TRIM28: variants seen among roughly 807,000 people sequenced by gnomAD.
TRIM28 encodes transcription intermediary factor 1-beta.
Under a neutral mutation model 87.4 loss-of-function variants are expected in TRIM28, and 8 were observed. That is an observed-to-expected ratio of 0.09 (90% CI 0.05 to 0.17). The LOEUF is 0.17. Among genes scored for constraint, TRIM28 ranks in the 10% least tolerant of loss-of-function variants. The pLI, the probability that TRIM28 is intolerant of heterozygous loss-of-function variation, is 1.00. For synonymous variants in TRIM28, 601 were observed against 454.3 expected (o/e 1.32, Z -4.11); for missense variants, 968 against 1,131.8 (o/e 0.86, Z 2.08).
intron 8 of TRIM28, 35 bp from the exon 9 acceptor site, chr19:58,548,451 C>T (rs1242195697): frequency 6.2e-7 from 1 of 1,613,976 alleles, no homozygotes; most frequent in Admixed American, 1.7e-5. Flanking sequence ...ACCCCACGTG[C>T]TGCACCTACT....
chr19:58,550,607 C>T lies in TRIM28; in HGVS notation c.*54C>T, dbSNP rs1384456460. ...TGGCTCTGTTCTCTGTCCTGTCACC[C>T]CATCCCCACTCCCCTGGTGGCCTGA... On this transcript the variant is annotated 3_prime_UTR_variant, in exon 17 of 17. Coordinates refer to ENST00000253024, the MANE Select transcript of TRIM28 (RefSeq NM_005762.3). 4 of 1,550,446 alleles carry T rather than the reference C, an allele frequency of 2.6e-6. No individual in the cohort carries two copies. The highest frequency in any genetic ancestry group is 1.4e-5 in the African/African-American group (1 of 73,702).
chr19:58,546,111 G>A (rs926998751), intron 3 of TRIM28, among the ~76,000 whole-genome samples: 2 of 152,160 alleles, frequency 1.3e-5, no homozygotes, highest in African/African-American at 4.8e-5. Context: ...GGGAAATAAG[G>A]GAGACCTTAA....
In TRIM28 at chr19:58,550,528, C is replaced by G; in HGVS notation, c.2483C>G (p.Ser828Cys). ...PGAGLSSQELSGGPGDGP is the reference protein window; with the variant it reads ...PGAGLSSQELCGGPGDGP ...GCTGGCCTGAGTTCCCAGGAGCTGT[C>G]TGGTGGCCCTGGTGATGGCCCCTGA... is the stretch of plus-strand genomic sequence containing the variant. Residue 828 changes from serine (S) to cysteine (C), a missense_variant, in exon 17 of 17, where the codon TCT (serine) becomes TGT (cysteine). This residue lies in a region of TRIM28 where 192 missense variants were observed against 225.6 expected (regional missense o/e 0.85). Transcript: ENST00000253024. The G allele has an allele frequency of 6.2e-7, 1 of 1,609,636 alleles. No homozygotes were observed. The highest frequency in any genetic ancestry group is 2.2e-5 in the East Asian group (1 of 44,888).
intron 3 of TRIM28, among the ~76,000 whole-genome samples, chr19:58,546,268 A>G (rs1349187263): frequency 6.6e-6 from 1 of 152,182 alleles, no homozygotes; most frequent in Admixed American, 6.5e-5. Context: ...CATCTGGTAT[A>G]AGATGCTGCT....
rs1600082022 is a variant in TRIM28 at position 58,548,147 on chromosome 19, C to T, written c.1068C>T (p.Asp356=). ...LRFASWALES[D]NNTALLLSKK... is the part of the protein sequence containing the mutation. ...TTGCCTCTTGGGCTCTGGAGAGTGA[C>T]AACAACACAGCCCTTTTGCTTTCTA... Residue 356 remains aspartate, a synonymous_variant, in exon 7 of 17, where the codon GAC becomes GAT. Coordinates refer to ENST00000253024, the MANE Select transcript of TRIM28 (RefSeq NM_005762.3). 4.3e-6 allele frequency: 7 copies of T among 1,614,206 alleles called. No individual in the cohort carries two copies. The highest frequency in any genetic ancestry group is 5.9e-6 in the Non-Finnish European group (7 of 1,180,024).
rs769806224 is a variant in TRIM28, at chr19:58,550,096, G to T, written c.2194-51G>T. 10 of 1,613,380 alleles carry T rather than the reference G, an allele frequency of 6.2e-6. No homozygotes were observed. In the East Asian group the frequency reaches 2.0e-4, roughly 32 times the overall value. On this transcript the variant is annotated intron_variant, in intron 15 of 16. Coordinates refer to ENST00000253024, the MANE Select transcript of TRIM28 (RefSeq NM_005762.3). ...GGCTGCTGGGTCTCGCCCTCAACCTGTGCATGTATATGTGTGTCTTTGTGT... is the reference window on the plus strand; with the variant it reads ...GGCTGCTGGGTCTCGCCCTCAACCTTTGCATGTATATGTGTGTCTTTGTGT...
chr19:58,548,471 C>T lies in TRIM28; in HGVS notation c.1217-15C>T. On this transcript the variant is annotated splice_polypyrimidine_tract_variant and intron_variant, in intron 8 of 16. Transcript: ENST00000253024. ...ACGTGCTGCACCTACTTACGTTTCT[C>T]TCTTCTTTTTGCAGGCAAGATTGTG... 6.2e-7 allele frequency: 1 copy of T among 1,614,094 alleles called. No homozygotes were observed. Among genetic ancestry groups the T allele is most frequent in the Non-Finnish European group, 8.5e-7 (1 of 1,180,012 alleles).
rs2053747921 is a variant in TRIM28 at position 58,545,034 on chromosome 19, G to T, written c.277G>T (p.Gly93Trp). ...CLHSACSACLGPAAPAAANSS... is the reference protein window; with the variant it reads ...CLHSACSACLWPAAPAAANSS... Reference sequence around the variant, plus strand: ...GCACTCGGCCTGTAGTGCCTGCTTAGGGCCCGCGGCCCCCGCCGCCGCCAA... The same window carrying T: ...GCACTCGGCCTGTAGTGCCTGCTTATGGCCCGCGGCCCCCGCCGCCGCCAA... Residue 93 changes from glycine (G) to tryptophan (W), a missense_variant, in exon 1 of 17, where the codon GGG becomes TGG. Around this residue, in one of 11 missense-constraint regions of TRIM28, gnomAD observed 208 missense variants for 170.9 expected, o/e 1.22. Transcript: ENST00000253024. 2 of 1,473,414 alleles carry T rather than the reference G, an allele frequency of 1.4e-6. No homozygotes were observed. The highest frequency in any genetic ancestry group is 1.8e-6 in the Non-Finnish European group (2 of 1,126,474). The allele number at this position is 1,473,414 out of a possible 1,614,324, so 91.3% of individuals were successfully genotyped here. A position where few individuals can be genotyped will look rare whatever the true frequency, so the allele number is the denominator to read the frequency against.
chr19:58,546,638 G>T (rs2053763440), intron 3 of TRIM28, among the ~76,000 whole-genome samples: 2 of 152,214 alleles, frequency 1.3e-5, no homozygotes, highest in Admixed American at 1.3e-4. Flanking sequence ...AGGTCAGGGT[G>T]CAGGAATGAG....
chr19:58,548,812 C>T (rs2053785362), intron 10 of TRIM28, 36 bp downstream of exon 10: 6 of 1,613,934 alleles, frequency 3.7e-6, no homozygotes, highest in Admixed American at 1.7e-5. Flanking sequence ...GGAAGGGCCC[C>T]AGTGCTGTTT....
In TRIM28 at chr19:58,548,187, A is replaced by ACT. The variant is rs1568661240; in HGVS notation, c.1101+8_1101+9dup. On this transcript the variant is annotated splice_region_variant and intron_variant, in intron 7 of 16. Transcript: ENST00000253024. ...TTTGCTTTCTAAGAAGTTGGTGTGT[A>ACT]CTGGTGGGCTCCTGGCTGGTGGGTT... is the stretch of plus-strand genomic sequence containing the variant. 1.2e-6 allele frequency: 2 copies of ACT among 1,613,906 alleles called. No individual in the cohort carries two copies. The highest frequency in any genetic ancestry group is 1.7e-6 in the Non-Finnish European group (2 of 1,179,780).
rs370403780 is a variant in TRIM28, at chr19:58,545,721, A to G, written c.454-43A>G. 39 of 1,585,750 alleles carry G rather than the reference A, an allele frequency of 2.5e-5. 1 individual carries two copies. The East Asian group carries it at 2.7e-4, about 11-fold the overall frequency. On this transcript the variant is annotated intron_variant, in intron 2 of 16. Coordinates refer to ENST00000253024, the MANE Select transcript of TRIM28 (RefSeq NM_005762.3). ...TTTTCTGGGATGTAAACGTGGATCTATCAAGTTGTCTTGCCTTCTCTGACC... is the reference window on the plus strand; with the variant it reads ...TTTTCTGGGATGTAAACGTGGATCTGTCAAGTTGTCTTGCCTTCTCTGACC...
rs866360424 is a variant in TRIM28, at chr19:58,550,182, C to A, written c.2229C>A (p.Ile743=). ...GTGGCACCCTGGATCTGACCCTGAT[C>A]CGTGCCCGCCTCCAGGAGAAGTTGT... The part of the protein sequence containing the change: ...QPGGTLDLTL[I]RARLQEKLSP... Residue 743 remains isoleucine, a synonymous_variant, in exon 16 of 17, where the codon ATC becomes ATA. Coordinates refer to ENST00000253024, the MANE Select transcript of TRIM28 (RefSeq NM_005762.3). The A allele has an allele frequency of 6.2e-7, 1 of 1,614,026 alleles. No individual in the cohort carries two copies. Among genetic ancestry groups the A allele is most frequent in the Non-Finnish European group, 8.5e-7 (1 of 1,180,000 alleles).
Position 58,547,810 on chromosome 19 carries a change from C to T in TRIM28, c.858C>T (p.Asp286=), listed in dbSNP as rs201759225. 1,689 of 1,614,118 alleles carry T rather than the reference C, an allele frequency of 1.0e-3. 28 individuals are homozygous for T. The South Asian group carries it at 0.017, about 16-fold the overall frequency. The change falls in exon 6 of 17, where the codon GAC becomes GAT. Residue 286 remains aspartate, a synonymous_variant. Transcript: ENST00000253024. ...EVRSSIRQVS[D]VQKRVQVDVK... The stretch of plus-strand genomic sequence containing the variant: ...CCCCTAGAATCCGCCAGGTGTCTGA[C>T]GTACAGAAGCGTGTGCAAGTGGATG...
Position 58,549,937 on chromosome 19 carries a change from C to A in TRIM28, c.2107-12C>A. On this transcript the variant is annotated splice_polypyrimidine_tract_variant and intron_variant, in intron 14 of 16. Coordinates refer to ENST00000253024, the MANE Select transcript of TRIM28 (RefSeq NM_005762.3). This position sits in a 1 kb window ranked among gnomAD's most constrained non-coding sequence, Gnocchi z 4.4. ...CTGCCCAGAGCTGTGACATCCCTTA[C>A]AATGTTTGTAGAAATGTGAGCGTGT... 3 of 1,614,026 alleles carry A rather than the reference C, an allele frequency of 1.9e-6. No individual in the cohort carries two copies. The highest frequency in any genetic ancestry group is 2.5e-6 in the Non-Finnish European group (3 of 1,179,984).
chr19:58,548,258 T>G, intron 7 of TRIM28, 36 bp from the exon 8 acceptor site: 1 of 1,613,868 alleles, frequency 6.2e-7, no homozygotes, highest in Non-Finnish European at 8.5e-7. Context: ...TTGTTGTTGG[T>G]GTGCTCATTC....
Position 58,550,208 on chromosome 19 carries a change from C to T in TRIM28, c.2255C>T (p.Ser752Leu). 1 of 1,614,070 alleles carries T rather than the reference C, an allele frequency of 6.2e-7. No individual in the cohort carries two copies. Among genetic ancestry groups the T allele is most frequent in the Non-Finnish European group, 8.5e-7 (1 of 1,180,006 alleles). ...LIRARLQEKL[S>L]PPYSSPQEFA... is the part of the protein sequence containing the mutation. ...CGTGCCCGCCTCCAGGAGAAGTTGTCACCTCCCTACAGCTCCCCACAGGAG... is the reference window on the plus strand; with the variant it reads ...CGTGCCCGCCTCCAGGAGAAGTTGTTACCTCCCTACAGCTCCCCACAGGAG... Residue 752 changes from serine (S) to leucine (L), a missense_variant, in exon 16 of 17, where the codon TCA (serine) becomes TTA (leucine). Physicochemically the swap from Ser to Leu is moderately radical, Grantham distance 145. Coordinates refer to ENST00000253024, the MANE Select transcript of TRIM28 (RefSeq NM_005762.3).
At chr19:58,547,264 A>G (rs2122627555) in intron 3 of TRIM28, 112 bp from the exon 4 acceptor site, 5 of 1,408,998 alleles carry the variant, frequency 3.5e-6, no homozygotes, top group South Asian at 2.6e-5. Context: ...CATCTTCCCA[A>G]TAAATGGCCC....
At position 58,550,597 on chromosome 19, in the gene TRIM28, T is replaced by C. The variant is rs1202777563; in HGVS notation, c.*44T>C. 4 of 1,571,542 alleles carry C rather than the reference T, an allele frequency of 2.5e-6. No individual in the cohort carries two copies. In the South Asian group the frequency reaches 3.4e-5, roughly 13 times the overall value. On this transcript the variant is annotated 3_prime_UTR_variant, in exon 17 of 17. Coordinates refer to ENST00000253024, the MANE Select transcript of TRIM28 (RefSeq NM_005762.3). ...CAGCCCAGCCTGGCTCTGTTCTCTG[T>C]CCTGTCACCCCATCCCCACTCCCCT...
Sources: gnomAD v4.1 joint callset for allele counts (sites outside exome capture counted in the v4.1 genomes callset) on GRCh38, gnomAD v4.1.1 for gene constraint, gnomAD v4.1.1 regional missense constraint, Gnocchi (gnomAD v3.1) non-coding constraint, MANE v1.5 for transcripts, NCBI Gene and HGNC (gene_info 2026-07-23, HGNC 2026-07-21) for gene names.